The following FHIP2A variants were observed in gnomAD, a reference collection of about 807,000 sequenced individuals.
FHIP2A encodes the protein family with sequence similarity 160 member B1.
FHIP2A carries 46 observed loss-of-function variants against 93.5 expected under a neutral mutation model. That is an observed-to-expected ratio of 0.49 (90% CI 0.39 to 0.63). FHIP2A has a LOEUF of 0.63. Ranked by LOEUF, FHIP2A falls within the 20% of genes least tolerant of loss-of-function variation. FHIP2A has a pLI of 0.00. For missense variants in FHIP2A, 769 were observed against 909.7 expected (o/e 0.85, Z 1.99); for synonymous variants, 332 against 326.5 (o/e 1.02, Z -0.18).
intron 16 of FHIP2A, among the ~76,000 whole-genome samples, chr10:114,884,158 G>A (rs916660829): frequency 2.0e-5 from 3 of 152,142 alleles, no homozygotes; most frequent in African/African-American, 4.8e-5. Context: ...ATAAAAAAGT[G>A]AATTTCTGGG....
At chr10:114,839,361 A>G (rs1308636322) in intron 5 of FHIP2A, among the ~76,000 whole-genome samples, 1 of 152,072 alleles carries the variant, frequency 6.6e-6, no homozygotes, top group Non-Finnish European at 1.5e-5. Flanking sequence ...TCCCAACCTC[A>G]GGTGATCCAC....
chr10:114,866,648 T>G (rs2083830673), downstream of FHIP2A, among the ~76,000 whole-genome samples: 2 of 152,172 alleles, frequency 1.3e-5, no homozygotes, highest in Admixed American at 1.3e-4. Context: ...CACAAAAAAA[T>G]GATTTCGGCC....
rs1284767932 is a variant in FHIP2A at position 114,864,487 on chromosome 10, A to G, written c.*2947A>G. Reference sequence around the variant, plus strand: ...CTGTTTTGCCTCCTGCCTTGTTTACATTAAACAGGATATTTGGTAAATTTT... The same window carrying G: ...CTGTTTTGCCTCCTGCCTTGTTTACGTTAAACAGGATATTTGGTAAATTTT... On this transcript the variant is annotated 3_prime_UTR_variant, in exon 17 of 17. Coordinates refer to ENST00000369248, the MANE Select transcript of FHIP2A (RefSeq NM_020940.4). 5 of 985,776 alleles carry G rather than the reference A, an allele frequency of 5.1e-6. No individual in the cohort carries two copies. The highest frequency in any genetic ancestry group is 3.6e-6 in the Non-Finnish European group (3 of 829,884). 61.1% of individuals were successfully genotyped at this position (985,776 alleles called of 1,614,324 possible). A position where few individuals can be genotyped will look rare whatever the true frequency, so the allele number is the denominator to read the frequency against.
At chr10:114,839,881 CAAAAAAAAAAA>C (rs10612399) in intron 5 of FHIP2A, among the ~76,000 whole-genome samples, 2 of 95,566 alleles carry the variant, frequency 2.1e-5, no homozygotes, top group South Asian at 7.0e-4. Context: ...GACTCTGTCT[CAAAAAAAAAAA>C]AAAAAAAAAG....
At chr10:114,838,884 T>C (rs1196029674) in intron 5 of FHIP2A, among the ~76,000 whole-genome samples, 1 of 152,168 alleles carries the variant, frequency 6.6e-6, no homozygotes, top group Non-Finnish European at 1.5e-5. Context: ...AGGTGGTAGG[T>C]GTCTGCATTT....
chr10:114,855,467 T>A, intron 14 of FHIP2A, 127 bp downstream of exon 14: 1 of 795,980 alleles, frequency 1.3e-6, no homozygotes, highest in Non-Finnish European at 1.9e-6. Context: ...TGGATGACTT[T>A]TTCATGAAGC....
chr10:114,865,992 C>T (rs994007939), downstream of FHIP2A, among the ~76,000 whole-genome samples: 13 of 151,832 alleles, frequency 8.6e-5, no homozygotes, highest in Non-Finnish European at 1.3e-4. Flanking sequence ...TTTTATGTTC[C>T]GGGATACACA....
chr10:114,861,415 G>T lies in FHIP2A; in HGVS notation c.2193-20G>T. On this transcript the variant is annotated intron_variant, in intron 16 of 16. Coordinates refer to ENST00000369248, the MANE Select transcript of FHIP2A (RefSeq NM_020940.4). The stretch of plus-strand genomic sequence containing the variant: ...GGCTGCTATCTTGAATTGATTTATT[G>T]TCTGTTTTTTCCTTACCAGTATTGA... 1.2e-6 allele frequency: 2 copies of T among 1,613,852 alleles called. No individual in the cohort carries two copies. Among genetic ancestry groups the T allele is most frequent in the Non-Finnish European group, 1.7e-6 (2 of 1,179,910 alleles).
intron 16 of FHIP2A, among the ~76,000 whole-genome samples, chr10:114,892,483 C>CA (rs1413360971): frequency 6.6e-6 from 1 of 152,080 alleles, no homozygotes; most frequent in Non-Finnish European, 1.5e-5. Flanking sequence ...ACTAAAACCA[C>CA]AAAAATTAGC....
At chr10:114,826,972 C>T (rs2083580435) in intron 1 of FHIP2A, among the ~76,000 whole-genome samples, 1 of 152,024 alleles carries the variant, frequency 6.6e-6, no homozygotes, top group Non-Finnish European at 1.5e-5. Flanking sequence ...CCAGCCAGGG[C>T]AACAAGAGCA....
chr10:114,854,137 GTT>G (rs758227621), intron 13 of FHIP2A, among the ~76,000 whole-genome samples: 4 of 137,970 alleles, frequency 2.9e-5, no homozygotes, highest in Admixed American at 7.3e-5. Flanking sequence ...AAAGACCAGG[GTT>G]TTTTTTTTTT....
chr10:114,883,699 A>G (rs1322629030), intron 16 of FHIP2A, among the ~76,000 whole-genome samples: 2 of 152,160 alleles, frequency 1.3e-5, no homozygotes, highest in African/African-American at 4.8e-5. Context: ...CTCTTGTCTC[A>G]GCCTCCCAAG....
At chr10:114,866,765 GAAGT>G (rs1566380635), downstream of FHIP2A, among the ~76,000 whole-genome samples, 1 of 152,166 alleles carries the variant, frequency 6.6e-6, no homozygotes, top group Non-Finnish European at 1.5e-5. Context: ...CCAGGGAAAG[GAAGT>G]AAGATGGCAA....
chr10:114,875,934 G>GAT (rs2083886479), intron 16 of FHIP2A, among the ~76,000 whole-genome samples: 2 of 128,188 alleles, frequency 1.6e-5, no homozygotes, highest in East Asian at 5.2e-4. Flanking sequence ...GAAAGAAAGA[G>GAT]AAAGAAAAAG....
At chr10:114,833,078 G>T (rs982264939) in intron 2 of FHIP2A, among the ~76,000 whole-genome samples, 155 bp from the exon 3 acceptor site, 1 of 152,112 alleles carries the variant, frequency 6.6e-6, no homozygotes, top group Non-Finnish European at 1.5e-5. Context: ...CTAAATTCTA[G>T]CAGAGATAAT....
At chr10:114,833,561 A>G in intron 3 of FHIP2A, 159 bp downstream of exon 3, 1 of 645,132 alleles carries the variant, frequency 1.6e-6, no homozygotes, top group Non-Finnish European at 2.6e-6. Flanking sequence ...AGCCTATACA[A>G]ATATGTCCAT....
chr10:114,855,543 C>T lies in FHIP2A; in HGVS notation c.1947+203C>T, dbSNP rs1331168417. Among the ~76,000 whole-genome samples, 3 of 152,150 alleles carry T rather than the reference C, an allele frequency of 2.0e-5. No homozygotes were observed. The South Asian group carries it at 6.2e-4, about 32-fold the overall frequency. On this transcript the variant is annotated intron_variant, in intron 14 of 16. Transcript: ENST00000369248. ...TGTTAAAAACATTTATTTGGCCTGA[C>T]AGCTGCTTGTTTATTTTACTTCTCA...
At chr10:114,834,893 G>A (rs1040632661) in intron 3 of FHIP2A, among the ~76,000 whole-genome samples, 4 of 152,166 alleles carry the variant, frequency 2.6e-5, no homozygotes, top group Non-Finnish European at 5.9e-5. Context: ...AGTATTTCCA[G>A]GATGCAAAAC....
At chr10:114,833,528 T>C (rs1482923741) in intron 3 of FHIP2A, 126 bp downstream of exon 3, 4 of 968,944 alleles carry the variant, frequency 4.1e-6, no homozygotes, top group African/African-American at 3.3e-5. Context: ...CAAGTTAAGA[T>C]TGTAGAAAAA....
Sources: allele counts gnomAD v4.1 joint callset (sites outside exome capture counted in the v4.1 genomes callset), GRCh38; gene constraint gnomAD v4.1.1; transcripts MANE v1.5; gene names NCBI Gene and HGNC (gene_info 2026-07-23, HGNC 2026-07-21).